Variants in KHDRBS2 observed in about 807,000 individuals in gnomAD.
KHDRBS2 encodes the protein KH domain-containing, RNA-binding, signal transduction-associated protein 2.
A neutral mutation model predicts 44.3 loss-of-function variants in KHDRBS2; 26 were observed. The observed-to-expected ratio is 0.59, with a 90% CI of 0.43 to 0.81. The LOEUF (loss-of-function observed/expected upper bound fraction) is 0.81, where lower values mean the gene tolerates loss of function less well. Among genes scored for constraint, KHDRBS2 ranks in the 40% least tolerant of loss-of-function variants. The pLI is 0.00. For synonymous variants in KHDRBS2, 194 were observed against 151.1 expected, an observed-to-expected ratio of 1.28 and a Z score of -2.08; for missense variants, 476 against 433.1, an observed-to-expected ratio of 1.10 and a Z score of -0.88.
chr6:61,894,720 A>G lies in KHDRBS2; in HGVS notation c.725T>C (p.Val242Ala), dbSNP rs138330013. The G allele has an allele frequency of 1.9e-4, 313 of 1,613,454 alleles. No homozygotes were observed. The highest frequency in any genetic ancestry group is 2.4e-4 in the Non-Finnish European group (283 of 1,179,708). ...TGCCCCCCGGGCTCGAGGGGTAGGGACACCTCTTGCTACAGGTGGCACTGG... is the reference window on the plus strand; with the variant it reads ...TGCCCCCCGGGCTCGAGGGGTAGGGGCACCTCTTGCTACAGGTGGCACTGG... Reference protein sequence around the residue: ...ALPVPPVARGVPTPRARGAPT... With the variant: ...ALPVPPVARGAPTPRARGAPT... The change falls in exon 6 of 9, where the codon GTC (valine) becomes GCC (alanine). Residue 242 changes from valine (V) to alanine (A), a missense_variant. Val to Ala is a moderately conservative substitution (Grantham distance 64). Coordinates refer to ENST00000281156, the MANE Select transcript of KHDRBS2 (RefSeq NM_152688.4).
intron 2 of KHDRBS2, among the ~76,000 whole-genome samples, chr6:62,170,445 C>T (rs2150118862): frequency 6.6e-6 from 1 of 152,260 alleles, no homozygotes; most frequent in Admixed American, 6.5e-5. Context: ...GGCCATCCCT[C>T]TCCAAAGCAT....
chr6:62,076,107 C>A (rs767989040), intron 2 of KHDRBS2, among the ~76,000 whole-genome samples: 2 of 151,854 alleles, frequency 1.3e-5, no homozygotes, highest in Non-Finnish European at 2.9e-5. Flanking sequence ...ATACTTATTT[C>A]TCCCCAACCC....
intron 6 of KHDRBS2, among the ~76,000 whole-genome samples, chr6:61,760,250 C>G (rs1182929376): frequency 6.6e-6 from 1 of 152,046 alleles, no homozygotes; most frequent in Non-Finnish European, 1.5e-5. Context: ...GGTCTGCAAA[C>G]AAGTATAGAA....
the KHDRBS2 span, among the ~76,000 whole-genome samples, chr6:61,641,879 T>C: frequency 6.6e-6 from 1 of 152,226 alleles, no homozygotes; most frequent in African/African-American, 2.4e-5. Flanking sequence ...AGTTATGAGA[T>C]AAATTATTAT....
chr6:61,991,843 A>G (rs1776189788), intron 3 of KHDRBS2, among the ~76,000 whole-genome samples: 2 of 152,190 alleles, frequency 1.3e-5, no homozygotes, highest in African/African-American at 4.8e-5. Context: ...GAAAGACTAC[A>G]AAGGCTGCTG....
chr6:61,902,683 C>T (rs1269299820), intron 4 of KHDRBS2, among the ~76,000 whole-genome samples: 1 of 152,132 alleles, frequency 6.6e-6, no homozygotes, highest in Non-Finnish European at 1.5e-5. Flanking sequence ...GGAGTTAACA[C>T]TATATTTGTA....
At chr6:61,879,320 A>G (rs1799889576) in intron 6 of KHDRBS2, among the ~76,000 whole-genome samples, 1 of 151,944 alleles carries the variant, frequency 6.6e-6, no homozygotes. Flanking sequence ...TCACTCTCAC[A>G]AATTATATTC....
At chr6:62,061,643 T>A (rs1163572895) in intron 2 of KHDRBS2, among the ~76,000 whole-genome samples, 3 of 151,160 alleles carry the variant, frequency 2.0e-5, no homozygotes, top group Non-Finnish European at 4.4e-5. Flanking sequence ...AATCTGACAA[T>A]TATGTGTCTT....
chr6:61,703,911 C>T (rs1188690741), intron 7 of KHDRBS2, among the ~76,000 whole-genome samples: 1 of 151,860 alleles, frequency 6.6e-6, no homozygotes, highest in East Asian at 1.9e-4. Flanking sequence ...CCTGAATCTT[C>T]CCTTGGAGGA....
At chr6:61,813,898 T>C in intron 6 of KHDRBS2, 4 of 455,896 alleles carry the variant, frequency 8.8e-6, no homozygotes, top group Non-Finnish European at 4.4e-6. Flanking sequence ...TTTGCCTCCA[T>C]TATTACTCCC....
chr6:62,198,300 G>A (rs1381604891), intron 1 of KHDRBS2, among the ~76,000 whole-genome samples: 2 of 151,968 alleles, frequency 1.3e-5, no homozygotes, highest in Non-Finnish European at 2.9e-5. Context: ...ATCCAAGAGT[G>A]GTTTTTTGAA....
chr6:62,151,474 T>TGAATAGGGCATCTTTAAAATG (rs1815169814), intron 2 of KHDRBS2, among the ~76,000 whole-genome samples: 1 of 152,164 alleles, frequency 6.6e-6, no homozygotes, highest in Admixed American at 6.5e-5. Context: ...TCTTTAGTGA[T>TGAATAGGGCATCTTTAAAATG]GAATAGGGCA....
At chr6:61,776,276 C>A (rs1287548084) in intron 6 of KHDRBS2, among the ~76,000 whole-genome samples, 2 of 151,980 alleles carry the variant, frequency 1.3e-5, no homozygotes, top group Admixed American at 1.3e-4. Context: ...GCAACAAAAG[C>A]CAAAATTGAC....
intron 3 of KHDRBS2, among the ~76,000 whole-genome samples, chr6:62,006,409 T>TA (rs1356811178): frequency 6.6e-6 from 1 of 151,940 alleles, no homozygotes; most frequent in Non-Finnish European, 1.5e-5. Context: ...AAGAAATTGC[T>TA]AAAAAAGTAT....
At chr6:62,238,687 TACACACACACAC>T (rs5876788) in intron 1 of KHDRBS2, among the ~76,000 whole-genome samples, 16 of 142,010 alleles carry the variant, frequency 1.1e-4, no homozygotes, top group African/African-American at 3.2e-4. Flanking sequence ...AAGTTTTATA[TACACACACACAC>T]ACACACACAC....
intron 1 of KHDRBS2, among the ~76,000 whole-genome samples, chr6:62,198,147 A>C (rs1329063537): frequency 6.6e-6 from 1 of 152,206 alleles, no homozygotes; most frequent in East Asian, 1.9e-4. Context: ...AAAGATCTAA[A>C]ATTGACACCC....
chr6:61,676,475 G>A (rs1234922819), downstream of KHDRBS2, among the ~76,000 whole-genome samples: 2 of 151,718 alleles, frequency 1.3e-5, no homozygotes, highest in African/African-American at 2.4e-5. Flanking sequence ...TGGAGGCACT[G>A]GTGGCAGGGA....
At chr6:61,885,743 A>G (rs1800849999) in intron 6 of KHDRBS2, among the ~76,000 whole-genome samples, 1 of 152,102 alleles carries the variant, frequency 6.6e-6, no homozygotes. Context: ...TTGCAGATAA[A>G]ATACCTTACT....
chr6:62,167,512 C>A (rs1020484277), intron 2 of KHDRBS2, among the ~76,000 whole-genome samples: 1 of 151,980 alleles, frequency 6.6e-6, no homozygotes, highest in Non-Finnish European at 1.5e-5. Context: ...TTTCAAATGC[C>A]ATTCTATTGG....
Sources: allele counts gnomAD v4.1 joint callset (sites outside exome capture counted in the v4.1 genomes callset), GRCh38; gene constraint gnomAD v4.1.1; transcripts MANE v1.5; gene names NCBI Gene and HGNC (gene_info 2026-07-23, HGNC 2026-07-21).